The following LRRFIP2 variants were observed in gnomAD, a reference collection of about 807,000 sequenced individuals.
LRRFIP2 encodes the protein leucine-rich repeat flightless-interacting protein 2.
A neutral mutation model predicts 125.9 loss-of-function variants in LRRFIP2; 109 were observed. The ratio of observed to expected loss-of-function variants is 0.87; its 90% CI spans 0.74 to 1.01. The LOEUF (loss-of-function observed/expected upper bound fraction) is 1.01. Among genes scored for constraint, LRRFIP2 ranks in the 50% least tolerant of loss-of-function variants. The probability of loss-of-function intolerance (pLI) is 0.00; values close to 1 mark genes in which losing one functional copy is unlikely to be tolerated. For synonymous variants in LRRFIP2, 291 were observed against 293.1 expected, an observed-to-expected ratio of 0.99 and a Z score of 0.07; for missense variants, 850 against 862.3, an observed-to-expected ratio of 0.99 and a Z score of 0.18.
At chr3:37,109,432 T>C in intron 11 of LRRFIP2, 95 bp downstream of exon 11, 1 of 1,351,060 alleles carries the variant, frequency 7.4e-7, no homozygotes, top group South Asian at 1.2e-5. Flanking sequence ...TCATGTGTCC[T>C]TAACTATTTT....
chr3:37,137,395 T>G (rs1447596490), intron 2 of LRRFIP2, among the ~76,000 whole-genome samples: 2 of 152,156 alleles, frequency 1.3e-5, no homozygotes, highest in Non-Finnish European at 2.9e-5. Context: ...CTTACTTCAG[T>G]TCACACTCTT....
At chr3:37,135,451 C>A in intron 2 of LRRFIP2, among the ~76,000 whole-genome samples, 1 of 144,562 alleles carries the variant, frequency 6.9e-6, no homozygotes, top group Non-Finnish European at 1.5e-5. Flanking sequence ...GAGCAAGACT[C>A]AGTCTCAAAA....
At chr3:37,156,871 T>C (rs2096215720) in intron 1 of LRRFIP2, among the ~76,000 whole-genome samples, 1 of 152,094 alleles carries the variant, frequency 6.6e-6, no homozygotes, top group Non-Finnish European at 1.5e-5. Flanking sequence ...GGCTCATGTC[T>C]GTAATCCCAG....
At chr3:37,110,873 A>G (rs2094523177) in intron 9 of LRRFIP2, 118 bp downstream of exon 9, 1 of 754,936 alleles carries the variant, frequency 1.3e-6, no homozygotes, top group African/African-American at 1.8e-5. Flanking sequence ...GTTACCAAAA[A>G]CTAGTATATA....
Position 37,058,771 on chromosome 3 carries a change from CCTGT to C in LRRFIP2, c.1870+15_1870+18del. 6.2e-7 allele frequency: 1 copy of C among 1,613,722 alleles called. No individual in the cohort carries two copies. The highest frequency in any genetic ancestry group is 8.5e-7 in the Non-Finnish European group (1 of 1,179,796). On this transcript the variant is annotated intron_variant, in intron 25 of 27. Coordinates refer to ENST00000336686, the MANE Select transcript of LRRFIP2 (RefSeq NM_006309.4). ...CAGTCTATATACAGACTGGGACTGG[CCTGT>C]CCCCTGGTACCTACTCTGCATTTCG...
At chr3:37,090,675 C>CT (rs1396285454) in intron 18 of LRRFIP2, among the ~76,000 whole-genome samples, 2 of 152,212 alleles carry the variant, frequency 1.3e-5, no homozygotes, top group Admixed American at 1.3e-4. Flanking sequence ...ACCAAACTGT[C>CT]TGCCTCACAC....
chr3:37,078,017 G>T (rs1371585952), intron 19 of LRRFIP2, among the ~76,000 whole-genome samples: 1 of 152,070 alleles, frequency 6.6e-6, no homozygotes, highest in Non-Finnish European at 1.5e-5. Flanking sequence ...GGAGAAATGG[G>T]TAATTGTTTA....
intron 6 of LRRFIP2, among the ~76,000 whole-genome samples, chr3:37,119,013 T>A (rs2094911051): frequency 6.6e-6 from 1 of 152,210 alleles, no homozygotes; most frequent in Admixed American, 6.5e-5. Context: ...ATTATTTGGG[T>A]AAAACAGAAA....
intron 1 of LRRFIP2, among the ~76,000 whole-genome samples, chr3:37,168,914 T>C (rs1375985551): frequency 6.6e-6 from 1 of 152,206 alleles, no homozygotes; most frequent in Non-Finnish European, 1.5e-5. Context: ...GTACCTGGAA[T>C]TACAGGTGCA....
intron 15 of LRRFIP2, among the ~76,000 whole-genome samples, chr3:37,100,426 ATATG>A (rs2093975282): frequency 7.5e-6 from 1 of 133,174 alleles, no homozygotes; most frequent in African/African-American, 2.6e-5. Context: ...ATACATACAT[ATATG>A]TATACACATG....
Position 37,065,108 on chromosome 3 carries a change from GTTTT to G in LRRFIP2, c.1699+698_1699+701del, listed in dbSNP as rs3836487. 15 of 146,020 alleles carry G rather than the reference GTTTT, an allele frequency of 1.0e-4. No individual in the cohort carries two copies. In the East Asian group the frequency reaches 2.9e-3, roughly 28 times the overall value. The allele number at this position is 146,020 out of a possible 1,614,324, so 9.0% of individuals were successfully genotyped here. ...AAACAAGATGAAAAACAAAAAAATT[GTTTT>G]TTTTTAAAATAAAAGTGAGCTAATG... On this transcript the variant is annotated intron_variant, in intron 23 of 27. Coordinates refer to ENST00000336686, the MANE Select transcript of LRRFIP2 (RefSeq NM_006309.4).
chr3:37,137,818 C>G (rs1159840959), intron 2 of LRRFIP2, among the ~76,000 whole-genome samples: 1 of 152,190 alleles, frequency 6.6e-6, no homozygotes, highest in African/African-American at 2.4e-5. Flanking sequence ...CATTTTCCCC[C>G]AGTCAACAGG....
intron 1 of LRRFIP2, among the ~76,000 whole-genome samples, chr3:37,164,091 A>G (rs1217427362): frequency 6.6e-6 from 1 of 152,224 alleles, no homozygotes; most frequent in Non-Finnish European, 1.5e-5. Flanking sequence ...AGATAGATGA[A>G]GACTCTTGAA....
At chr3:37,058,190 A>G (rs1454679639) in intron 25 of LRRFIP2, among the ~76,000 whole-genome samples, 1 of 152,216 alleles carries the variant, frequency 6.6e-6, no homozygotes, top group Non-Finnish European at 1.5e-5. Flanking sequence ...AGGTTGTCAA[A>G]AGGCATTTCA....
Position 37,083,723 on chromosome 3 carries a change from G to C in LRRFIP2, c.1191C>G (p.Ile397Met). ...AQLDNEKNNL[I>M]YQVDTLKDVI... ...CATCCTTGAGTGTGTCTACTTGGTA[G>C]ATCAAATTGTTCTTCTCATTGTCTA... is the stretch of plus-strand genomic sequence containing the variant. The change falls in exon 19 of 28, where the codon ATC (isoleucine) becomes ATG (methionine). Residue 397 changes from isoleucine (I) to methionine (M), a missense_variant. Transcript: ENST00000336686. 6 of 1,600,944 alleles carry C rather than the reference G, an allele frequency of 3.7e-6. No homozygotes were observed. Among genetic ancestry groups the C allele is most frequent in the Non-Finnish European group, 5.1e-6 (6 of 1,175,234 alleles).
chr3:37,071,564 G>C (rs532645578), intron 21 of LRRFIP2, among the ~76,000 whole-genome samples: 1 of 152,262 alleles, frequency 6.6e-6, no homozygotes, highest in East Asian at 1.9e-4. Context: ...TCCTTGAAGT[G>C]ATGAAAAAGA....
At chr3:37,059,797 A>AAT (rs1553684242) in intron 24 of LRRFIP2, among the ~76,000 whole-genome samples, 42,263 of 144,806 alleles carry the variant, frequency 0.29, 7,876 homozygotes, top group Non-Finnish European at 0.42. Flanking sequence ...AAAAAAAAAA[A>AAT]AATAATAATA....
intron 18 of LRRFIP2, among the ~76,000 whole-genome samples, chr3:37,085,755 G>A (rs1225175925): frequency 6.6e-6 from 1 of 151,664 alleles, no homozygotes; most frequent in African/African-American, 2.4e-5. Context: ...CTAATTTTTT[G>A]TATTTTTTAG....
At chr3:37,118,768 T>C (rs943182684) in intron 6 of LRRFIP2, among the ~76,000 whole-genome samples, 1 of 152,258 alleles carries the variant, frequency 6.6e-6, no homozygotes, top group Non-Finnish European at 1.5e-5. Flanking sequence ...GTACTGCTAA[T>C]GTTCAAACAT....
Sources: gnomAD v4.1 joint callset for allele counts (sites outside exome capture counted in the v4.1 genomes callset) on GRCh38, gnomAD v4.1.1 for gene constraint, MANE v1.5 for transcripts, NCBI Gene and HGNC (gene_info 2026-07-23, HGNC 2026-07-21) for gene names.